Variants in MAGI2 observed in about 807,000 individuals in gnomAD.
The protein encoded by MAGI2 is membrane associated guanylate kinase, WW and PDZ domain containing 2.
MAGI2 carries 35 observed loss-of-function variants against 133.3 expected under a neutral mutation model. The ratio of observed to expected loss-of-function variants is 0.26; its 90% CI spans 0.20 to 0.35. MAGI2 has a LOEUF of 0.35. MAGI2 is among the 10% of genes least tolerant of loss of function. The pLI is 1.00. For synonymous variants in MAGI2, 729 were observed against 710.6 expected (o/e 1.03, Z -0.41); for missense variants, 1,636 against 1,863.4 (o/e 0.88, Z 2.25).
chr7:78,345,109 A>T (rs10254017), intron 8 of MAGI2, among the ~76,000 whole-genome samples: 106,450 of 152,074 alleles, frequency 0.7, 38,061 homozygotes, highest in African/African-American at 0.8. Context: ...TTCTGCTTTT[A>T]CTGTCCGCTT....
chr7:78,811,535 C>T lies in MAGI2; in HGVS notation c.419-184296G>A, dbSNP rs1789049365. 6.6e-5 allele frequency among the ~76,000 whole-genome samples: 10 copies of T among 152,128 alleles called. 1 individual carries two copies. In the South Asian group the frequency reaches 2.1e-3, roughly 31 times the overall value. ...TGGGAAAAAATCATATATTCTTATT[C>T]TTTATAAAGGTCATTTATTTTCCAC... On this transcript the variant is annotated intron_variant, in intron 2 of 21. Coordinates refer to ENST00000354212, the MANE Select transcript of MAGI2 (RefSeq NM_012301.4).
intron 6 of MAGI2, among the ~76,000 whole-genome samples, chr7:78,458,484 G>A (rs1013125609): frequency 3.3e-5 from 5 of 151,966 alleles, no homozygotes; most frequent in Non-Finnish European, 7.4e-5. Context: ...TTTGATGTAT[G>A]TTTATGGGTG....
intron 16 of MAGI2, among the ~76,000 whole-genome samples, chr7:78,145,251 C>A (rs568633120): frequency 7.9e-5 from 12 of 152,222 alleles, no homozygotes; most frequent in African/African-American, 2.9e-4. Flanking sequence ...GAGGCCTGAA[C>A]CCATTAGGAT....
chr7:78,250,773 G>T (rs1340979094), intron 10 of MAGI2, among the ~76,000 whole-genome samples: 1 of 151,940 alleles, frequency 6.6e-6, no homozygotes, highest in African/African-American at 2.4e-5. Flanking sequence ...TAAAAGCTCA[G>T]ACTAGATGAC....
intron 1 of MAGI2, among the ~76,000 whole-genome samples, chr7:79,217,396 G>C (rs1237321121): frequency 6.6e-6 from 1 of 151,900 alleles, no homozygotes; most frequent in Non-Finnish European, 1.5e-5. Context: ...CTATAATAAG[G>C]ACAATAACAA....
intron 2 of MAGI2, among the ~76,000 whole-genome samples, chr7:78,658,720 C>T (rs1812578591): frequency 6.6e-6 from 1 of 152,154 alleles, no homozygotes; most frequent in Non-Finnish European, 1.5e-5. Context: ...TAATGTTCAA[C>T]ATCATTAGCC....
At chr7:79,115,478 T>G (rs1819311379) in intron 1 of MAGI2, among the ~76,000 whole-genome samples, 1 of 152,226 alleles carries the variant, frequency 6.6e-6, no homozygotes, top group Admixed American at 6.5e-5. Context: ...ATAATTTTAC[T>G]TATAAAATAA....
chr7:79,027,502 A>G, intron 1 of MAGI2, among the ~76,000 whole-genome samples: 1 of 152,078 alleles, frequency 6.6e-6, no homozygotes, highest in Non-Finnish European at 1.5e-5. Flanking sequence ...ATCTAAAACT[A>G]CTGAACTCAT....
chr7:78,523,945 A>G (rs544587392), intron 3 of MAGI2, among the ~76,000 whole-genome samples: 1 of 152,248 alleles, frequency 6.6e-6, no homozygotes, highest in South Asian at 2.1e-4. Flanking sequence ...ATAGCCCTGA[A>G]ATCTCCAGAT....
intron 20 of MAGI2, among the ~76,000 whole-genome samples, chr7:78,080,900 A>G (rs1815886821): frequency 6.6e-6 from 1 of 152,108 alleles, no homozygotes; most frequent in South Asian, 2.1e-4. Flanking sequence ...TATGTATCCC[A>G]TCGCTCACAA....
chr7:78,746,530 T>C (rs1237034365), intron 2 of MAGI2, among the ~76,000 whole-genome samples: 1 of 152,206 alleles, frequency 6.6e-6, no homozygotes, highest in Non-Finnish European at 1.5e-5. Context: ...AAAGAATGTT[T>C]AATGAGTTCC....
chr7:78,419,600 ATTTTTT>A (rs149554875), intron 6 of MAGI2, among the ~76,000 whole-genome samples: 52 of 144,570 alleles, frequency 3.6e-4, no homozygotes, highest in Non-Finnish European at 3.0e-4. Flanking sequence ...TTGAGCAGTG[ATTTTTT>A]TTTTTTTTTT....
chr7:78,620,387 T>C (rs1425490503), intron 3 of MAGI2, among the ~76,000 whole-genome samples: 1 of 152,006 alleles, frequency 6.6e-6, no homozygotes, highest in African/African-American at 2.4e-5. Context: ...TGAAATAGAT[T>C]TGTGTAGAAT....
At chr7:78,832,677 C>T (rs919168571) in intron 2 of MAGI2, among the ~76,000 whole-genome samples, 2 of 152,022 alleles carry the variant, frequency 1.3e-5, no homozygotes, top group Non-Finnish European at 2.9e-5. Context: ...GTAAGGAGAC[C>T]CCTGAAACTA....
At chr7:78,868,548 C>A (rs895588069) in intron 2 of MAGI2, among the ~76,000 whole-genome samples, 1 of 152,062 alleles carries the variant, frequency 6.6e-6, no homozygotes, top group African/African-American at 2.4e-5. Context: ...ATGAGAGTAT[C>A]TAATATAAAA....
At chr7:78,550,168 A>C (rs1799214230) in intron 3 of MAGI2, among the ~76,000 whole-genome samples, 1 of 152,150 alleles carries the variant, frequency 6.6e-6, no homozygotes, top group Non-Finnish European at 1.5e-5. Flanking sequence ...TTCAGAAGCA[A>C]ATTTCTGTTG....
chr7:78,783,773 G>A (rs1265649102), intron 2 of MAGI2, among the ~76,000 whole-genome samples: 3 of 152,234 alleles, frequency 2.0e-5, no homozygotes, highest in South Asian at 2.1e-4. Flanking sequence ...CTGTACTGAC[G>A]AACACCTGTG....
intron 7 of MAGI2, among the ~76,000 whole-genome samples, chr7:78,352,532 C>T (rs1227829901): frequency 1.3e-5 from 2 of 152,078 alleles, no homozygotes; most frequent in East Asian, 3.9e-4. Context: ...CCTACTGTAC[C>T]TGGGGAAATG....
chr7:79,437,347 A>T (rs909167013), intron 1 of MAGI2, among the ~76,000 whole-genome samples: 1 of 152,074 alleles, frequency 6.6e-6, no homozygotes, highest in Non-Finnish European at 1.5e-5. Context: ...AAAATTTGAA[A>T]TTTTTTAAAA....
Sources: gnomAD v4.1 joint callset for allele counts (sites outside exome capture counted in the v4.1 genomes callset) on GRCh38, gnomAD v4.1.1 for gene constraint, MANE v1.5 for transcripts, NCBI Gene and HGNC (gene_info 2026-07-23, HGNC 2026-07-21) for gene names.